The following FAM24B variants were observed in gnomAD, a reference collection of about 807,000 sequenced individuals.
FAM24B encodes the protein family with sequence similarity 24 member B.
Under a neutral mutation model 2.3 loss-of-function variants are expected in FAM24B, and 3 were observed. The observed-to-expected ratio is 1.29, with a 90% CI of 0.59 to 3.32. The LOEUF (loss-of-function observed/expected upper bound fraction) is 3.32. Among genes scored for constraint, FAM24B ranks in the 30% most tolerant of loss-of-function variants. FAM24B has a pLI of 0.03. For synonymous variants in FAM24B, 36 were observed against 46.3 expected, an observed-to-expected ratio of 0.78 and a Z score of 0.90; for missense variants, 98 against 117.2, an observed-to-expected ratio of 0.84 and a Z score of 0.76.
chr10:122,870,270 G>T (rs1230904573), intron 1 of FAM24B, among the ~76,000 whole-genome samples: 1 of 152,134 alleles, frequency 6.6e-6, no homozygotes, highest in African/African-American at 2.4e-5. Flanking sequence ...CCAATAACAG[G>T]TGCTGAAATT....
chr10:122,862,012 T>G (rs1847731738), intron 1 of FAM24B, among the ~76,000 whole-genome samples: 1 of 152,224 alleles, frequency 6.6e-6, no homozygotes, highest in Non-Finnish European at 1.5e-5. Flanking sequence ...TCACTGACAT[T>G]CAAGCCACAA....
chr10:122,849,368 C>T lies in FAM24B; in HGVS notation c.164G>A (p.Ser55Asn). The change falls in exon 4 of 4, where the codon AGC (serine) becomes AAC (asparagine). Residue 55 changes from serine (S) to asparagine (N), a missense_variant. Ser to Asn is a conservative substitution (Grantham distance 46, BLOSUM62 1). Transcript: ENST00000368898. ...NPDKVWWAKNSQAKTIATESC... is the reference protein window; with the variant it reads ...NPDKVWWAKNNQAKTIATESC... ...CTCCGTGGCAATGGTTTTGGCCTGG[C>T]TGTTCTTGGCCCACCACACCTTGTC... 1 of 1,613,460 alleles carries T rather than the reference C, an allele frequency of 6.2e-7. No individual in the cohort carries two copies. The highest frequency in any genetic ancestry group is 8.5e-7 in the Non-Finnish European group (1 of 1,179,696).
chr10:122,861,872 G>A (rs1847729937), intron 1 of FAM24B, among the ~76,000 whole-genome samples: 1 of 152,134 alleles, frequency 6.6e-6, no homozygotes, highest in South Asian at 2.1e-4. Context: ...AGTACCCACT[G>A]ACCTTAGGGT....
chr10:122,878,396 G>A (rs1208179435), intron 1 of FAM24B, among the ~76,000 whole-genome samples: 5 of 152,090 alleles, frequency 3.3e-5, no homozygotes, highest in Non-Finnish European at 7.4e-5. Context: ...AGCTGGGCCT[G>A]GTGGTGCACG....
intron 1 of FAM24B, among the ~76,000 whole-genome samples, chr10:122,874,750 A>G (rs1847952179): frequency 6.6e-6 from 1 of 152,176 alleles, no homozygotes; most frequent in Non-Finnish European, 1.5e-5. Context: ...CGGGCTGTAT[A>G]CGGCCCTGGA....
intron 1 of FAM24B, among the ~76,000 whole-genome samples, chr10:122,871,351 G>A (rs1468582256): frequency 6.6e-6 from 1 of 152,168 alleles, no homozygotes; most frequent in Non-Finnish European, 1.5e-5. Context: ...TGTGCAAATG[G>A]CCATACTACC....
At chr10:122,858,625 T>A (rs1847678528) in intron 1 of FAM24B, among the ~76,000 whole-genome samples, 1 of 151,782 alleles carries the variant, frequency 6.6e-6, no homozygotes, top group South Asian at 2.1e-4. Context: ...CAGCAGGAGA[T>A]CACTCCTCCT....
intron 1 of FAM24B, among the ~76,000 whole-genome samples, chr10:122,874,347 T>C (rs991162797): frequency 1.3e-5 from 2 of 152,244 alleles, no homozygotes; most frequent in African/African-American, 2.4e-5. Flanking sequence ...TTATTCCTTC[T>C]CTGATGCTCT....
chr10:122,867,219 T>C (rs535186934), intron 1 of FAM24B, among the ~76,000 whole-genome samples: 49 of 152,238 alleles, frequency 3.2e-4, no homozygotes, highest in African/African-American at 9.6e-4. Context: ...TAAGAACAGA[T>C]TGAAGGTGGC....
chr10:122,871,807 C>A (rs1301221339), intron 1 of FAM24B, among the ~76,000 whole-genome samples: 3 of 151,920 alleles, frequency 2.0e-5, no homozygotes, highest in East Asian at 3.9e-4. Flanking sequence ...TAAAGACTTA[C>A]ATGTTAGACC....
chr10:122,864,758 T>G (rs1049363265), intron 1 of FAM24B, among the ~76,000 whole-genome samples: 1 of 152,198 alleles, frequency 6.6e-6, no homozygotes, highest in Non-Finnish European at 1.5e-5. Context: ...CTGGCAACCA[T>G]TCTTTTAATT....
intron 3 of FAM24B, 74 bp from the exon 4 acceptor site, chr10:122,849,513 G>GT (rs1847491508): frequency 7.2e-7 from 1 of 1,385,028 alleles, no homozygotes; most frequent in Non-Finnish European, 9.8e-7. Context: ...CTGTTGGGGG[G>GT]TATCTGGGGA....
At chr10:122,869,539 G>A (rs1413623923) in intron 1 of FAM24B, among the ~76,000 whole-genome samples, 2 of 152,120 alleles carry the variant, frequency 1.3e-5, no homozygotes, top group Admixed American at 1.3e-4. Context: ...TGGAAGTAAA[G>A]CACTCCTCAG....
In FAM24B at chr10:122,861,070, A is replaced by G. The variant is rs112666294; in HGVS notation, c.-177-5284T>C. Among the ~76,000 whole-genome samples the G allele has an allele frequency of 6.4e-3, 971 of 152,142 alleles. 8 individuals carry two copies. Among genetic ancestry groups the G allele is most frequent in the African/African-American group, 0.016 (659 of 41,522 alleles). On this transcript the variant is annotated intron_variant, in intron 1 of 3. Coordinates refer to ENST00000368898, the MANE Select transcript of FAM24B (RefSeq NM_152644.3). ...ATTTATCCTTTTATTCATTGATTAC[A>G]TTTTTGTTGTCATATCTAAAATGTC...
chr10:122,874,440 G>A (rs1184789053), intron 1 of FAM24B, among the ~76,000 whole-genome samples: 2 of 152,040 alleles, frequency 1.3e-5, no homozygotes, highest in Admixed American at 6.5e-5. Context: ...TTGCAACACA[G>A]GTTTATCACT....
At chr10:122,860,182 G>A (rs1453579889) in intron 1 of FAM24B, among the ~76,000 whole-genome samples, 1 of 152,092 alleles carries the variant, frequency 6.6e-6, no homozygotes, top group East Asian at 1.9e-4. Flanking sequence ...TCCCTTCTGT[G>A]GCCCCTACAG....
chr10:122,866,559 T>G (rs1002477997), intron 1 of FAM24B, among the ~76,000 whole-genome samples: 2 of 152,118 alleles, frequency 1.3e-5, no homozygotes, highest in African/African-American at 4.8e-5. Context: ...TGCTTACTTG[T>G]GTCTCTGCTG....
At chr10:122,853,415 A>T (rs989158555) in intron 2 of FAM24B, among the ~76,000 whole-genome samples, 4 of 152,050 alleles carry the variant, frequency 2.6e-5, no homozygotes, top group African/African-American at 9.7e-5. Flanking sequence ...CATGCCTGTG[A>T]CCTGGTTAGA....
chr10:122,856,382 G>C lies in FAM24B; in HGVS notation c.-177-596C>G, dbSNP rs1847637634. 2.6e-5 allele frequency among the ~76,000 whole-genome samples: 4 copies of C among 151,824 alleles called. No homozygotes were observed. In the South Asian group the frequency reaches 8.3e-4, roughly 32 times the overall value. ...CAGTGCCAATTATGTTCCCCGTGTA[G>C]CAAACAAGCAACCTGTCCTGCTGTT... On this transcript the variant is annotated intron_variant, in intron 1 of 3. Transcript: ENST00000368898.
Sources: allele counts gnomAD v4.1 joint callset (sites outside exome capture counted in the v4.1 genomes callset), GRCh38; gene constraint gnomAD v4.1.1; transcripts MANE v1.5; gene names NCBI Gene and HGNC (gene_info 2026-07-23, HGNC 2026-07-21).